Variants in ANKRD55 observed in about 807,000 individuals in gnomAD.
ANKRD55 encodes the protein ankyrin repeat domain-containing protein 55.
Under a neutral mutation model 60.6 loss-of-function variants are expected in ANKRD55, and 41 were observed. The ratio of observed to expected loss-of-function variants is 0.68; its 90% confidence interval spans 0.53 to 0.88. The LOEUF (loss-of-function observed/expected upper bound fraction) is 0.88. Ranked by LOEUF, ANKRD55 falls within the 40% of genes least tolerant of loss-of-function variation. The pLI is 0.00. For synonymous variants in ANKRD55, 264 were observed against 290.3 expected, an observed-to-expected ratio of 0.91 and a Z score of 0.92; for missense variants, 732 against 767.6, an observed-to-expected ratio of 0.95 and a Z score of 0.55.
chr5:56,148,824 G>T (rs1262150653), intron 6 of ANKRD55, among the ~76,000 whole-genome samples: 3 of 152,180 alleles, frequency 2.0e-5, no homozygotes, highest in African/African-American at 7.2e-5. Context: ...TCCCCGTCTT[G>T]GTTGGCGGTT....
chr5:56,132,885 ACAGTG>A (rs935902314), intron 7 of ANKRD55, among the ~76,000 whole-genome samples: 2 of 152,238 alleles, frequency 1.3e-5, no homozygotes, highest in African/African-American at 2.4e-5. Flanking sequence ...ATAATTCTAG[ACAGTG>A]CAGACTACAA....
intron 2 of ANKRD55, among the ~76,000 whole-genome samples, chr5:56,222,265 C>T (rs1759985307): frequency 6.6e-6 from 1 of 152,204 alleles, no homozygotes; most frequent in African/African-American, 2.4e-5. Context: ...CAAACACCAA[C>T]AGACCTGCAG....
At chr5:56,208,725 G>T (rs1759580863) in intron 2 of ANKRD55, among the ~76,000 whole-genome samples, 1 of 151,990 alleles carries the variant, frequency 6.6e-6, no homozygotes, top group Non-Finnish European at 1.5e-5. Flanking sequence ...GCCCAGTCCT[G>T]TGTGTGCTTT....
At chr5:56,222,308 G>A (rs962657296) in intron 2 of ANKRD55, among the ~76,000 whole-genome samples, 1 of 152,100 alleles carries the variant, frequency 6.6e-6, no homozygotes, top group African/African-American at 2.4e-5. Context: ...GGAAAACTAA[G>A]AAACAGAAAG....
At chr5:56,192,680 G>T in intron 2 of ANKRD55, 3 of 1,253,820 alleles carry the variant, frequency 2.4e-6, no homozygotes, top group South Asian at 1.2e-5. Context: ...TCTTCATAAT[G>T]ATCCTCATGC....
chr5:56,190,416 G>A (rs1759066715), intron 2 of ANKRD55, among the ~76,000 whole-genome samples: 1 of 152,122 alleles, frequency 6.6e-6, no homozygotes, highest in African/African-American at 2.4e-5. Context: ...GTGTCATGAA[G>A]CTTTTCCCTA....
rs67231449 is a variant in ANKRD55 at position 56,162,673 on chromosome 5, A to AT, written c.423-2781dup. On this transcript the variant is annotated intron_variant, in intron 5 of 11. Coordinates refer to ENST00000341048, the MANE Select transcript of ANKRD55 (RefSeq NM_024669.3). ...TCTCTTGTTGGTCAATTTTTGGTCA[A>AT]TTTTTTTTTTTTTTGAGACAAGCTC... Among the ~76,000 whole-genome samples, 255 of 148,384 alleles carry AT rather than the reference A, an allele frequency of 1.7e-3. 3 individuals are homozygous for AT. The highest frequency in any genetic ancestry group is 5.4e-3 in the African/African-American group (218 of 40,406).
chr5:56,194,958 T>C (rs1048002601), intron 2 of ANKRD55, among the ~76,000 whole-genome samples: 4 of 152,226 alleles, frequency 2.6e-5, no homozygotes, highest in African/African-American at 2.4e-5. Flanking sequence ...AAAGCAGAGT[T>C]TTAGAATTCA....
chr5:56,201,724 A>C (rs1581018183), intron 2 of ANKRD55, among the ~76,000 whole-genome samples: 1 of 152,180 alleles, frequency 6.6e-6, no homozygotes, highest in East Asian at 1.9e-4. Context: ...AAAGTGTGTT[A>C]ATTAGTGGGG....
At chr5:56,221,890 G>A (rs191008219) in intron 2 of ANKRD55, among the ~76,000 whole-genome samples, 1,528 of 152,340 alleles carry the variant, frequency 0.01, 17 homozygotes, top group African/African-American at 0.033. Flanking sequence ...AAGGAGGCCT[G>A]CCTGCCTCTG....
At chr5:56,158,239 T>C in intron 6 of ANKRD55, among the ~76,000 whole-genome samples, 1 of 152,184 alleles carries the variant, frequency 6.6e-6, no homozygotes, top group African/African-American at 2.4e-5. Context: ...ATTAGGAGGC[T>C]TACCCCCGCC....
intron 5 of ANKRD55, among the ~76,000 whole-genome samples, chr5:56,166,320 C>T (rs1256102829): frequency 6.6e-6 from 1 of 151,062 alleles, no homozygotes; most frequent in Non-Finnish European, 1.5e-5. Flanking sequence ...TACAGTGGCA[C>T]GATCATAGCT....
chr5:56,229,521 G>A (rs769974650), intron 2 of ANKRD55, among the ~76,000 whole-genome samples: 1 of 152,200 alleles, frequency 6.6e-6, no homozygotes, highest in Non-Finnish European at 1.5e-5. Flanking sequence ...TTACAGTCAA[G>A]GAGACAGAAG....
At chr5:56,209,081 C>T (rs1419435541) in intron 2 of ANKRD55, among the ~76,000 whole-genome samples, 1 of 152,060 alleles carries the variant, frequency 6.6e-6, no homozygotes, top group Non-Finnish European at 1.5e-5. Context: ...CCTTAGCCTC[C>T]TGAGTAGCTG....
chr5:56,107,492 T>G (rs968539099), intron 10 of ANKRD55, among the ~76,000 whole-genome samples: 1 of 152,194 alleles, frequency 6.6e-6, no homozygotes, highest in African/African-American at 2.4e-5. Flanking sequence ...TGTGTCAGAA[T>G]GTACTAACTC....
intron 2 of ANKRD55, among the ~76,000 whole-genome samples, chr5:56,197,437 T>C (rs1759252059): frequency 6.6e-6 from 1 of 152,212 alleles, no homozygotes; most frequent in Non-Finnish European, 1.5e-5. Context: ...TGCTATTTTA[T>C]AACATACAGA....
intron 5 of ANKRD55, among the ~76,000 whole-genome samples, chr5:56,170,098 C>T (rs1758572913): frequency 6.6e-6 from 1 of 152,140 alleles, no homozygotes. Flanking sequence ...TTCTGGTTTC[C>T]TTCTAACCCC....
chr5:56,219,932 A>C (rs1042715729), intron 2 of ANKRD55, among the ~76,000 whole-genome samples: 2 of 152,250 alleles, frequency 1.3e-5, no homozygotes, highest in East Asian at 3.8e-4. Context: ...AAATCCATGA[A>C]TATCAGGTAC....
intron 6 of ANKRD55, 44 bp from the exon 7 acceptor site, chr5:56,143,973 C>T (rs770568200): frequency 1.5e-5 from 24 of 1,610,392 alleles, no homozygotes; most frequent in South Asian, 2.2e-5. Flanking sequence ...GCACAGGCTC[C>T]CAGGAAGAAA....
Sources: gnomAD v4.1 joint callset for allele counts (sites outside exome capture counted in the v4.1 genomes callset) on GRCh38, gnomAD v4.1.1 for gene constraint, MANE v1.5 for transcripts, NCBI Gene and HGNC (gene_info 2026-07-23, HGNC 2026-07-21) for gene names.